The following LINGO2 variants were observed in gnomAD, a reference collection of about 807,000 sequenced individuals.
LINGO2 encodes leucine-rich repeat and immunoglobulin-like domain-containing nogo receptor-interacting protein 2.
LINGO2 carries 14 observed loss-of-function variants against 30.6 expected under a neutral mutation model. That is an observed-to-expected ratio of 0.46 (90% CI 0.30 to 0.72). The LOEUF is 0.72. Among genes scored for constraint, LINGO2 ranks in the 30% least tolerant of loss-of-function variants. LINGO2 has a pLI of 0.07. For synonymous variants in LINGO2, 317 were observed against 288.5 expected (o/e 1.10, Z -1.00); for missense variants, 729 against 751.7 (o/e 0.97, Z 0.35).
intron 4 of LINGO2, among the ~76,000 whole-genome samples, chr9:28,095,955 C>A (rs1327007264): frequency 1.3e-5 from 2 of 152,122 alleles, no homozygotes; most frequent in African/African-American, 2.4e-5. Context: ...GCCTGGGCAA[C>A]ATAATGAGAT....
At chr9:28,838,927 A>G in the LINGO2 span, among the ~76,000 whole-genome samples, 2 of 152,222 alleles carry the variant, frequency 1.3e-5, no homozygotes, top group African/African-American at 4.8e-5. Context: ...CGGCTGTGGC[A>G]GGACAGGCTG....
At chr9:28,655,493 A>T (rs1588033179) in intron 1 of LINGO2, among the ~76,000 whole-genome samples, 1 of 151,970 alleles carries the variant, frequency 6.6e-6, no homozygotes, top group African/African-American at 2.4e-5. Context: ...GAAGAACATG[A>T]TTGTGTTTTA....
intron 4 of LINGO2, among the ~76,000 whole-genome samples, chr9:28,190,821 T>C (rs1181197818): frequency 6.6e-6 from 1 of 152,162 alleles, no homozygotes; most frequent in Non-Finnish European, 1.5e-5. Flanking sequence ...TAGTCCAAAC[T>C]AACTGATAAT....
intron 1 of LINGO2, among the ~76,000 whole-genome samples, chr9:28,549,645 AT>A (rs201480486): frequency 1.7e-4 from 25 of 151,008 alleles, no homozygotes; most frequent in African/African-American, 1.7e-4. Flanking sequence ...ATATTTTAGT[AT>A]TTTTTTTTAC....
the LINGO2 span, among the ~76,000 whole-genome samples, chr9:29,024,763 A>G: frequency 6.6e-6 from 1 of 152,192 alleles, no homozygotes; most frequent in Non-Finnish European, 1.5e-5. Context: ...TGACATTGTG[A>G]TAATTTTCCT....
At chr9:28,044,739 AAG>A (rs1362308007) in intron 4 of LINGO2, among the ~76,000 whole-genome samples, 3 of 150,880 alleles carry the variant, frequency 2.0e-5, no homozygotes, top group Non-Finnish European at 2.9e-5. Context: ...ACTGGAAGGG[AAG>A]AGAGTTAGGG....
chr9:29,050,712 A>AT, the LINGO2 span, among the ~76,000 whole-genome samples: 1 of 152,052 alleles, frequency 6.6e-6, no homozygotes, highest in Admixed American at 6.6e-5. Context: ...TAGTGTATAC[A>AT]TTTTTTTCTT....
intron 1 of LINGO2, among the ~76,000 whole-genome samples, chr9:28,656,927 AC>A (rs1588035042): frequency 6.6e-6 from 1 of 152,108 alleles, no homozygotes; most frequent in Non-Finnish European, 1.5e-5. Flanking sequence ...AAGACAGACA[AC>A]AAATAACTCT....
At chr9:28,991,737 A>G in the LINGO2 span, among the ~76,000 whole-genome samples, 1 of 150,744 alleles carries the variant, frequency 6.6e-6, no homozygotes, top group Non-Finnish European at 1.5e-5. Context: ...AAGAATTTTC[A>G]ACCCAGAATT....
chr9:28,301,870 C>T (rs1453167774), intron 3 of LINGO2, among the ~76,000 whole-genome samples: 1 of 152,084 alleles, frequency 6.6e-6, no homozygotes, highest in Non-Finnish European at 1.5e-5. Context: ...TCAGGCTAAC[C>T]ATGGACCTCT....
chr9:28,883,646 A>G, the LINGO2 span, among the ~76,000 whole-genome samples: 1,631 of 116,922 alleles, frequency 0.014, 161 homozygotes, highest in African/African-American at 0.043. Flanking sequence ...ATATATATAT[A>G]TATATATATA....
At chr9:28,665,494 G>T (rs1379271252) in intron 1 of LINGO2, among the ~76,000 whole-genome samples, 174 of 152,056 alleles carry the variant, frequency 1.1e-3, no homozygotes, top group Non-Finnish European at 5.9e-5. Context: ...ATTTGGAGTG[G>T]TGAGACTGAA....
chr9:29,213,431 G>A, the LINGO2 span, among the ~76,000 whole-genome samples: 1 of 152,176 alleles, frequency 6.6e-6, no homozygotes. Context: ...CAGCGCGAAG[G>A]TGTCTACGCT....
chr9:28,462,580 C>T (rs1044617907), intron 2 of LINGO2, among the ~76,000 whole-genome samples: 1 of 151,916 alleles, frequency 6.6e-6, no homozygotes, highest in Non-Finnish European at 1.5e-5. Context: ...CATTATTTTA[C>T]AGGGCTCCAA....
At chr9:28,600,583 G>C (rs1431537058) in intron 1 of LINGO2, among the ~76,000 whole-genome samples, 1 of 152,070 alleles carries the variant, frequency 6.6e-6, no homozygotes, top group Non-Finnish European at 1.5e-5. Flanking sequence ...TTACTAAATA[G>C]AGTGATGCAA....
At chr9:28,885,242 G>C in the LINGO2 span, among the ~76,000 whole-genome samples, 1 of 147,282 alleles carries the variant, frequency 6.8e-6, no homozygotes, top group Non-Finnish European at 1.5e-5. Context: ...TGTCAGTCCG[G>C]GTGAGGTTGC....
intron 4 of LINGO2, among the ~76,000 whole-genome samples, chr9:28,267,022 G>C (rs188313744): frequency 1.8e-4 from 27 of 152,116 alleles, no homozygotes; most frequent in Non-Finnish European, 3.5e-4. Context: ...AGGGTGCAGG[G>C]AGAAACTAAA....
At chr9:28,025,949 G>T (rs1351635486) in intron 4 of LINGO2, among the ~76,000 whole-genome samples, 1 of 152,184 alleles carries the variant, frequency 6.6e-6, no homozygotes, top group Non-Finnish European at 1.5e-5. Context: ...TTCCTTCAGT[G>T]GCTTTCCATT....
At chr9:28,731,827 T>C in the LINGO2 span, among the ~76,000 whole-genome samples, 1 of 152,164 alleles carries the variant, frequency 6.6e-6, no homozygotes, top group African/African-American at 2.4e-5. Context: ...TTTTGCAAGA[T>C]GATACTCTTG....
Sources: allele counts gnomAD v4.1 joint callset (sites outside exome capture counted in the v4.1 genomes callset), GRCh38; gene constraint gnomAD v4.1.1; transcripts MANE v1.5; gene names NCBI Gene and HGNC (gene_info 2026-07-23, HGNC 2026-07-21).